Variants in PHACTR4 observed in about 807,000 individuals in gnomAD.
PHACTR4 encodes the protein phosphatase and actin regulator 4.
In PHACTR4, 51 loss-of-function variants were observed where a neutral mutation model predicts 72.7. The observed-to-expected ratio is 0.70, with a 90% CI of 0.56 to 0.89. PHACTR4 has a LOEUF of 0.89. Among genes scored for constraint, PHACTR4 ranks in the 40% least tolerant of loss-of-function variants. The pLI is 0.00. For missense variants in PHACTR4, 731 were observed against 861.8 expected, an observed-to-expected ratio of 0.85 and a Z score of 1.90; for synonymous variants, 255 against 302.5, an observed-to-expected ratio of 0.84 and a Z score of 1.63.
At chr1:28,379,750 C>T (rs1300018288) in intron 1 of PHACTR4, among the ~76,000 whole-genome samples, 8 of 151,596 alleles carry the variant, frequency 5.3e-5, no homozygotes, top group South Asian at 2.1e-4. Context: ...CCACCACACC[C>T]GACTAATTTT....
intron 1 of PHACTR4, 51 bp from the exon 2 acceptor site, chr1:28,407,359 G>A: frequency 1.1e-6 from 1 of 950,446 alleles, no homozygotes. Context: ...AAGCATAAAA[G>A]GTGATGGACT....
chr1:28,402,435 A>C (rs1025810055), intron 1 of PHACTR4, among the ~76,000 whole-genome samples: 3 of 152,138 alleles, frequency 2.0e-5, no homozygotes, highest in Non-Finnish European at 4.4e-5. Flanking sequence ...TTGTATCATC[A>C]GTGTATATAG....
intron 1 of PHACTR4, among the ~76,000 whole-genome samples, chr1:28,398,881 A>C (rs1653736843): frequency 1.3e-5 from 2 of 152,224 alleles, no homozygotes; most frequent in Non-Finnish European, 2.9e-5. Context: ...CTTTTGAGGC[A>C]ATAGTTTTAT....
At chr1:28,400,890 G>GT (rs1341544872) in intron 1 of PHACTR4, among the ~76,000 whole-genome samples, 32 of 152,178 alleles carry the variant, frequency 2.1e-4, no homozygotes, top group Middle Eastern at 6.8e-3. Context: ...TGAGTGAAGG[G>GT]TTTTAAGAAG....
At chr1:28,403,899 T>C (rs1654119372) in intron 1 of PHACTR4, among the ~76,000 whole-genome samples, 1 of 152,260 alleles carries the variant, frequency 6.6e-6, no homozygotes, top group African/African-American at 2.4e-5. Context: ...TTACAACACG[T>C]ATCAATACTT....
At chr1:28,387,099 A>G (rs1198807391) in intron 1 of PHACTR4, among the ~76,000 whole-genome samples, 1 of 152,028 alleles carries the variant, frequency 6.6e-6, no homozygotes, top group Non-Finnish European at 1.5e-5. Context: ...TGTCTCTACT[A>G]AAAATACAAA....
intron 2 of PHACTR4, among the ~76,000 whole-genome samples, chr1:28,414,725 C>G (rs993066804): frequency 6.6e-6 from 1 of 152,212 alleles, no homozygotes; most frequent in South Asian, 2.1e-4. Flanking sequence ...CCTTTTGCGA[C>G]CCCTTTCCAG....
chr1:28,420,233 C>A (rs187465236), intron 2 of PHACTR4, among the ~76,000 whole-genome samples: 1 of 152,292 alleles, frequency 6.6e-6, no homozygotes, highest in East Asian at 1.9e-4. Flanking sequence ...CCACCCAAAT[C>A]TCATCATGAA....
intron 1 of PHACTR4, among the ~76,000 whole-genome samples, chr1:28,391,415 AAATAAT>A (rs901748358): frequency 4.6e-5 from 7 of 150,542 alleles, no homozygotes; most frequent in East Asian, 3.9e-4. Context: ...TAAATAAATA[AAATAAT>A]AATAATAATA....
At chr1:28,467,733 A>G (rs1659289227) in intron 6 of PHACTR4, among the ~76,000 whole-genome samples, 2 of 152,190 alleles carry the variant, frequency 1.3e-5, no homozygotes, top group African/African-American at 4.8e-5. Flanking sequence ...GAGAATTAAG[A>G]ATGCTATTCT....
At chr1:28,446,180 A>C (rs1657454271) in intron 2 of PHACTR4, among the ~76,000 whole-genome samples, 1 of 152,220 alleles carries the variant, frequency 6.6e-6, no homozygotes, top group Admixed American at 6.5e-5. Flanking sequence ...CATGTAATCC[A>C]GTGTTCAGGA....
At chr1:28,438,144 A>G in intron 2 of PHACTR4, 3 of 1,184,240 alleles carry the variant, frequency 2.5e-6, no homozygotes, top group Non-Finnish European at 3.2e-6. Flanking sequence ...TTCTGGAATG[A>G]CAGGCATTCC....
In PHACTR4 at chr1:28,488,486, G is replaced by A. The variant is rs150949658; in HGVS notation, c.1761-684G>A. On this transcript the variant is annotated intron_variant, in intron 9 of 13. Coordinates refer to ENST00000373839, the MANE Select transcript of PHACTR4 (RefSeq NM_001048183.3). ...CACTCCAGCCTAGGTGACAGAGCAA[G>A]ACTCCATCTCAAAAATAACCTAGCT... Among the ~76,000 whole-genome samples the A allele has an allele frequency of 5.4e-3, 823 of 152,248 alleles. 3 individuals are homozygous for A. Among genetic ancestry groups the A allele is most frequent in the Non-Finnish European group, 9.2e-3 (624 of 68,008 alleles).
chr1:28,392,627 A>G (rs1653146711), intron 1 of PHACTR4, among the ~76,000 whole-genome samples: 2 of 151,918 alleles, frequency 1.3e-5, no homozygotes, highest in Non-Finnish European at 2.9e-5. Context: ...TCCTGGGCTC[A>G]AGTGATCCAC....
At chr1:28,431,445 G>A (rs542400758) in intron 2 of PHACTR4, among the ~76,000 whole-genome samples, 35 of 150,156 alleles carry the variant, frequency 2.3e-4, no homozygotes, top group Non-Finnish European at 3.8e-4. Context: ...CACCTGCCTC[G>A]GCCTCCCAAA....
At chr1:28,453,621 A>C in intron 2 of PHACTR4, 1 of 1,241,734 alleles carries the variant, frequency 8.1e-7, no homozygotes, top group Non-Finnish European at 1.2e-6. Flanking sequence ...AGTGAGGTGA[A>C]ACAAATAGAG....
intron 9 of PHACTR4, among the ~76,000 whole-genome samples, chr1:28,480,861 G>A (rs957299835): frequency 2.0e-5 from 3 of 152,066 alleles, no homozygotes; most frequent in African/African-American, 7.2e-5. Flanking sequence ...GCTAATTTTT[G>A]TATTCTTAGC....
chr1:28,408,516 G>T (rs184299940), intron 2 of PHACTR4, among the ~76,000 whole-genome samples: 283 of 152,234 alleles, frequency 1.9e-3, no homozygotes, highest in African/African-American at 6.5e-3. Flanking sequence ...CCGGGATCAT[G>T]CCACTGCACT....
chr1:28,387,436 T>C (rs1652649585), intron 1 of PHACTR4, among the ~76,000 whole-genome samples: 1 of 152,144 alleles, frequency 6.6e-6, no homozygotes, highest in Non-Finnish European at 1.5e-5. Context: ...TAGCAAAGAA[T>C]AACTGTATAG....
Sources: allele counts gnomAD v4.1 joint callset (sites outside exome capture counted in the v4.1 genomes callset), GRCh38; gene constraint gnomAD v4.1.1; transcripts MANE v1.5; gene names NCBI Gene and HGNC (gene_info 2026-07-23, HGNC 2026-07-21).